Variants in HPSE observed in about 807,000 individuals in gnomAD.
The protein encoded by HPSE is heparanase, also known as endo-glucoronidase.
Under a neutral mutation model 65.1 loss-of-function variants are expected in HPSE, and 48 were observed. The ratio of observed to expected loss-of-function variants is 0.74; its 90% CI spans 0.58 to 0.94. The LOEUF (loss-of-function observed/expected upper bound fraction) is 0.94, where lower values mean the gene tolerates loss of function less well. Among genes scored for constraint, HPSE ranks in the 40% least tolerant of loss-of-function variants. The pLI, the probability that HPSE is intolerant of heterozygous loss-of-function variation, is 0.00. For synonymous variants in HPSE, 243 were observed against 260.0 expected (o/e 0.93, Z 0.63); for missense variants, 644 against 637.5 (o/e 1.01, Z -0.11).
chr4:83,312,828 T>TCTA (rs1736453965), intron 4 of HPSE, among the ~76,000 whole-genome samples: 1 of 101,746 alleles, frequency 9.8e-6, no homozygotes, highest in Non-Finnish European at 1.8e-5. Flanking sequence ...AAACCCCGTC[T>TCTA]CTACTAAAAA....
At chr4:83,321,148 T>C (rs1020989648) in intron 2 of HPSE, among the ~76,000 whole-genome samples, 2 of 151,944 alleles carry the variant, frequency 1.3e-5, no homozygotes, top group Non-Finnish European at 2.9e-5. Context: ...CAGTGGGCCA[T>C]GCTTGTGCCA....
chr4:83,327,583 G>C (rs1737201753), intron 1 of HPSE, among the ~76,000 whole-genome samples: 1 of 152,284 alleles, frequency 6.6e-6, no homozygotes, highest in Non-Finnish European at 1.5e-5. Flanking sequence ...TCTATTTCTA[G>C]AGCAGTTTGT....
chr4:83,313,473 AT>A (rs1736504227), intron 3 of HPSE, among the ~76,000 whole-genome samples, 186 bp from the exon 4 acceptor site: 1 of 152,196 alleles, frequency 6.6e-6, no homozygotes, highest in African/African-American at 2.4e-5. Flanking sequence ...ATCTGACTTC[AT>A]TTGCTCCAGC....
At chr4:83,308,236 C>T (rs1049434943) in intron 8 of HPSE, among the ~76,000 whole-genome samples, 7 of 152,022 alleles carry the variant, frequency 4.6e-5, no homozygotes, top group Non-Finnish European at 1.0e-4. Flanking sequence ...GTCAAAACCC[C>T]GTCTCTACTA....
chr4:83,299,967 T>C (rs932406101), intron 11 of HPSE, among the ~76,000 whole-genome samples: 1 of 152,152 alleles, frequency 6.6e-6, no homozygotes, highest in Admixed American at 6.6e-5. Flanking sequence ...CTTCCCAAAG[T>C]GTTGGGATTA....
intron 1 of HPSE, among the ~76,000 whole-genome samples, chr4:83,324,594 C>T (rs1466601684): frequency 6.6e-6 from 1 of 152,172 alleles, no homozygotes; most frequent in Non-Finnish European, 1.5e-5. Context: ...AACCCGAATT[C>T]ACCCTGACTG....
intron 1 of HPSE, among the ~76,000 whole-genome samples, chr4:83,330,006 C>T (rs1051514451): frequency 6.6e-6 from 1 of 151,698 alleles, no homozygotes; most frequent in Non-Finnish European, 1.5e-5. Flanking sequence ...GGGAAGCTAC[C>T]CGCCTTCTTT....
chr4:83,304,063 G>A (rs1390025158), intron 9 of HPSE, among the ~76,000 whole-genome samples: 1 of 152,118 alleles, frequency 6.6e-6, no homozygotes, highest in Non-Finnish European at 1.5e-5. Flanking sequence ...ATACATGTAT[G>A]TTAACAGAAA....
intron 1 of HPSE, among the ~76,000 whole-genome samples, chr4:83,331,837 A>G (rs564669966): frequency 4.1e-4 from 63 of 152,260 alleles, no homozygotes; most frequent in African/African-American, 1.4e-3. Context: ...TTTTTCTACC[A>G]TATCCTACTC....
Position 83,326,726 on chromosome 4 carries a change from G to A in HPSE, c.228-4362C>T, listed in dbSNP as rs2126197009. On this transcript the variant is annotated intron_variant, in intron 1 of 11. Transcript: ENST00000311412. The surrounding 1 kb of genome is among the most constrained non-coding windows in gnomAD (Gnocchi z 4.2). ...AACTTCCTCAGAGAGAACCACTCCAGGCTGGCCCTGTTCCACTGCCTTCAG... is the reference window on the plus strand; with the variant it reads ...AACTTCCTCAGAGAGAACCACTCCAAGCTGGCCCTGTTCCACTGCCTTCAG... Among the ~76,000 whole-genome samples the A allele has an allele frequency of 6.6e-6, 1 of 152,298 alleles. No homozygotes were observed. The highest frequency in any genetic ancestry group is 2.1e-4 in the South Asian group (1 of 4,826).
intron 4 of HPSE, 72 bp downstream of exon 4, chr4:83,313,030 AAAAAAAAAAAAG>A: frequency 3.2e-5 from 32 of 1,011,190 alleles, no homozygotes; most frequent in East Asian, 2.3e-4. Flanking sequence ...TCAAAAAAAA[AAAAAAAAAAAAG>A]AAAAAGAAAA....
At chr4:83,313,021 C>CAAA (rs370866017) in intron 4 of HPSE, 93 bp downstream of exon 4, 972 of 644,372 alleles carry the variant, frequency 1.5e-3, no homozygotes, top group Middle Eastern at 2.2e-3. Flanking sequence ...GACTCTGTCT[C>CAAA]AAAAAAAAAA....
At position 83,295,429 on chromosome 4, in the gene HPSE, A is replaced by T; in HGVS notation, c.1547T>A (p.Leu516His). The T allele has an allele frequency of 6.2e-7, 1 of 1,613,670 alleles. No homozygotes were observed. Among genetic ancestry groups the T allele is most frequent in the Non-Finnish European group, 8.5e-7 (1 of 1,179,680 alleles). The change falls in exon 12 of 12, where the codon CTC becomes CAC. Residue 516 changes from leucine to histidine, a missense_variant. Physicochemically the swap from Leu to His is moderately conservative, Grantham distance 99. Coordinates refer to ENST00000311412, the MANE Select transcript of HPSE (RefSeq NM_001098540.3). ...QTLPPLMEKP[L>H]RPGSSLGLPA... ...CAAGCCCAGTGAACTTCCTGGCCGG[A>T]GAGGTTTTTCCATTAAAGGTGGCAA...
intron 11 of HPSE, among the ~76,000 whole-genome samples, chr4:83,298,194 A>G (rs924309545): frequency 2.6e-5 from 4 of 152,228 alleles, no homozygotes; most frequent in Admixed American, 2.6e-4. Context: ...TCTGAAGTCA[A>G]TAACATGACG....
intron 9 of HPSE, among the ~76,000 whole-genome samples, 168 bp downstream of exon 9, chr4:83,306,035 C>T (rs1736135082): frequency 6.6e-6 from 1 of 152,110 alleles, no homozygotes; most frequent in South Asian, 2.1e-4. Context: ...TCTCTTCAAA[C>T]ACACAAAAAA....
intron 4 of HPSE, among the ~76,000 whole-genome samples, chr4:83,312,621 T>C (rs886930916): frequency 7.4e-6 from 1 of 135,602 alleles, no homozygotes; most frequent in Non-Finnish European, 1.5e-5. Context: ...GAGCTTGCAG[T>C]GAGCCGAGAT....
At chr4:83,334,501 G>A in intron 1 of HPSE, 55 bp downstream of exon 1, 2 of 1,502,946 alleles carry the variant, frequency 1.3e-6, no homozygotes, top group East Asian at 5.1e-5. Context: ...TGGCGGGGCA[G>A]ACATAGGTGT....
intron 1 of HPSE, among the ~76,000 whole-genome samples, chr4:83,323,163 G>C (rs1736992462): frequency 6.6e-6 from 1 of 152,102 alleles, no homozygotes; most frequent in South Asian, 2.1e-4. Context: ...GCTGGGGGTG[G>C]AAATGCAGAG....
chr4:83,322,065 C>T (rs1736916332), intron 2 of HPSE, among the ~76,000 whole-genome samples, 154 bp downstream of exon 2: 1 of 148,284 alleles, frequency 6.7e-6, no homozygotes, highest in Admixed American at 6.9e-5. Context: ...CCCACTGCCT[C>T]CTCCTCTTGT....
Sources: gnomAD v4.1 joint callset for allele counts (sites outside exome capture counted in the v4.1 genomes callset) on GRCh38, gnomAD v4.1.1 for gene constraint, Gnocchi (gnomAD v3.1) non-coding constraint, MANE v1.5 for transcripts, NCBI Gene and HGNC (gene_info 2026-07-23, HGNC 2026-07-21) for gene names.